RAE1: variants seen among roughly 807,000 people sequenced by gnomAD.
RAE1 encodes mRNA export factor RAE1.
Under a neutral mutation model 52.7 loss-of-function variants are expected in RAE1, and 13 were observed. That is an observed-to-expected ratio of 0.25 (90% confidence interval 0.16 to 0.39). The LOEUF (loss-of-function observed/expected upper bound fraction) is 0.39. Ranked by LOEUF, RAE1 falls within the 10% of genes least tolerant of loss-of-function variation. The pLI is 1.00. For missense variants in RAE1, 262 were observed against 459.8 expected, an observed-to-expected ratio of 0.57 and a Z score of 3.93; for synonymous variants, 164 against 153.1, an observed-to-expected ratio of 1.07 and a Z score of -0.52.
At chr20:57,370,053 G>A (rs1310952820) in intron 8 of RAE1, among the ~76,000 whole-genome samples, 1 of 152,120 alleles carries the variant, frequency 6.6e-6, no homozygotes, top group Non-Finnish European at 1.5e-5. Flanking sequence ...ACTGACACTA[G>A]CTCAAGTCTA....
chr20:57,375,020 G>T (rs1051671100), intron 11 of RAE1: 1 of 712,404 alleles, frequency 1.4e-6, no homozygotes, highest in South Asian at 1.5e-5. Flanking sequence ...GGAAGTGCTC[G>T]GCCAGTGTGA....
At chr20:57,354,240 A>G (rs2066751681) in intron 2 of RAE1, 112 bp downstream of exon 2, 1 of 821,274 alleles carries the variant, frequency 1.2e-6, no homozygotes, top group Non-Finnish European at 1.9e-6. Context: ...AAGCTTTGAA[A>G]CTTTGTCTAA....
intron 5 of RAE1, 89 bp downstream of exon 5, chr20:57,365,531 TAAG>T (rs1381814322): frequency 7.7e-6 from 7 of 912,660 alleles, no homozygotes; most frequent in African/African-American, 7.0e-5. Flanking sequence ...ATAATTATAA[TAAG>T]AAAACGTGCA....
intron 11 of RAE1, among the ~76,000 whole-genome samples, chr20:57,376,566 C>T (rs1048358472): frequency 2.0e-5 from 3 of 152,160 alleles, no homozygotes; most frequent in African/African-American, 4.8e-5. Flanking sequence ...ATCACTTGTC[C>T]GTTACTTTTC....
chr20:57,353,903 TTG>T (rs1412915690), intron 1 of RAE1, 127 bp from the exon 2 acceptor site: 1 of 744,940 alleles, frequency 1.3e-6, no homozygotes, highest in African/African-American at 1.8e-5. Context: ...CATTGCGCTC[TTG>T]TCTGAAAAGT....
At chr20:57,352,797 AC>A (rs1220318586) in intron 1 of RAE1, among the ~76,000 whole-genome samples, 1 of 152,140 alleles carries the variant, frequency 6.6e-6, no homozygotes, top group Non-Finnish European at 1.5e-5. Flanking sequence ...AGGTTAAGTG[AC>A]CCGTCCAAAG....
intron 4 of RAE1, 23 bp from the exon 5 acceptor site, chr20:57,365,333 A>C: frequency 6.4e-7 from 1 of 1,568,546 alleles, no homozygotes; most frequent in Non-Finnish European, 8.7e-7. Context: ...TTAAAATGCA[A>C]AATTTTCTCC....
chr20:57,361,068 TAA>T (rs2066884838), intron 4 of RAE1, among the ~76,000 whole-genome samples: 2 of 151,758 alleles, frequency 1.3e-5, no homozygotes, highest in South Asian at 4.2e-4. Flanking sequence ...GTAGAATACT[TAA>T]GTGGAAAATT....
intron 4 of RAE1, chr20:57,359,748 G>C (rs2066863739): frequency 6.6e-6 from 1 of 152,202 alleles, no homozygotes; most frequent in African/African-American, 2.4e-5. Context: ...CTGGTTTCGG[G>C]GGACTTGGCC....
chr20:57,371,537 T>G (rs1387681815), intron 8 of RAE1: 1 of 152,202 alleles, frequency 6.6e-6, no homozygotes, highest in Non-Finnish European at 1.5e-5. Context: ...ATGGGACCAC[T>G]GTTACCAGAA....
chr20:57,374,164 G>A (rs2067077443), intron 10 of RAE1, among the ~76,000 whole-genome samples: 1 of 152,214 alleles, frequency 6.6e-6, no homozygotes, highest in South Asian at 2.1e-4. Flanking sequence ...ACAGGCGTGA[G>A]CCACCGCACT....
At chr20:57,352,716 G>A (rs2066728545) in intron 1 of RAE1, among the ~76,000 whole-genome samples, 1 of 152,204 alleles carries the variant, frequency 6.6e-6, no homozygotes, top group Admixed American at 6.5e-5. Context: ...GTGTGTGTGT[G>A]TGGCTTCATT....
intron 5 of RAE1, 33 bp from the exon 6 acceptor site, chr20:57,366,774 C>A: frequency 6.4e-7 from 1 of 1,551,422 alleles, no homozygotes; most frequent in Non-Finnish European, 8.9e-7. Context: ...CTTACATTTA[C>A]CTTGATCTGT....
chr20:57,364,867 G>A (rs1405323504), intron 4 of RAE1, among the ~76,000 whole-genome samples: 5 of 152,160 alleles, frequency 3.3e-5, no homozygotes, highest in African/African-American at 9.7e-5. Context: ...ATTAGATAGG[G>A]ACCGAATAAA....
intron 8 of RAE1, among the ~76,000 whole-genome samples, chr20:57,369,730 G>C (rs542506608): frequency 1.2e-3 from 183 of 152,234 alleles, no homozygotes; most frequent in Non-Finnish European, 1.8e-3. Flanking sequence ...TCCTCCACTT[G>C]CCACAGGGCT....
At chr20:57,362,212 ATAAT>A (rs1300125870) in intron 4 of RAE1, among the ~76,000 whole-genome samples, 2 of 152,244 alleles carry the variant, frequency 1.3e-5, no homozygotes, top group African/African-American at 2.4e-5. Context: ...TATATAAGAA[ATAAT>A]TCTGTGTATA....
At chr20:57,359,144 C>T (rs2066850052) in intron 4 of RAE1, 2 of 682,904 alleles carry the variant, frequency 2.9e-6, no homozygotes, top group African/African-American at 3.7e-5. Context: ...GCCTCTAATA[C>T]TGGTAATGCT....
rs1034838366 is a variant in RAE1 at position 57,378,159 on chromosome 20, G to A, written c.*60G>A. The A allele has an allele frequency of 8.1e-6, 11 of 1,361,436 alleles. No individual in the cohort carries two copies. The highest frequency in any genetic ancestry group is 3.6e-4 in the Middle Eastern group (2 of 5,492). 84.3% of individuals were successfully genotyped at this position (1,361,436 alleles called of 1,614,324 possible). On this transcript the variant is annotated 3_prime_UTR_variant, in exon 12 of 12. Coordinates refer to ENST00000395841, the MANE Select transcript of RAE1 (RefSeq NM_003610.4). Reference sequence around the variant, plus strand: ...TCTCCACTCTGCCTCATCTCTGTACGAATTTGGGTCCCAGCCTTGTTGGGT... The same window carrying A: ...TCTCCACTCTGCCTCATCTCTGTACAAATTTGGGTCCCAGCCTTGTTGGGT...
At chr20:57,355,219 C>T (rs1343589025) in intron 3 of RAE1, among the ~76,000 whole-genome samples, 2 of 152,024 alleles carry the variant, frequency 1.3e-5, no homozygotes, top group African/African-American at 2.4e-5. Flanking sequence ...TAGATACTTA[C>T]TCATCATGTA....
Sources: gnomAD v4.1 joint callset for allele counts (sites outside exome capture counted in the v4.1 genomes callset) on GRCh38, gnomAD v4.1.1 for gene constraint, MANE v1.5 for transcripts, NCBI Gene and HGNC (gene_info 2026-07-23, HGNC 2026-07-21) for gene names.